Variants in EML2 observed in about 807,000 individuals in gnomAD.
The protein encoded by EML2 is echinoderm microtubule-associated protein-like 2.
In EML2, 59 loss-of-function variants were observed where a neutral mutation model predicts 84.7. The observed-to-expected ratio is 0.70, with a 90% CI of 0.56 to 0.86. The LOEUF (loss-of-function observed/expected upper bound fraction) is 0.86, where lower values mean the gene tolerates loss of function less well. Ranked by LOEUF, EML2 falls within the 40% of genes least tolerant of loss-of-function variation. The pLI, the probability that EML2 is intolerant of heterozygous loss-of-function variation, is 0.00. For missense variants in EML2, 818 were observed against 855.6 expected (o/e 0.96, Z 0.55); for synonymous variants, 352 against 348.9 (o/e 1.01, Z -0.10).
Position 45,619,137 on chromosome 19 carries a change from C to G in EML2, c.1177G>C (p.Val393Leu). ...LATHPSRAQF[V>L]TCGQDKLVHL... ...ACCAGCTTATCCTGCCCGCAGGTCA[C>G]AAACTGGGCCCGACTGGGGTGTGTG... is the stretch of plus-strand genomic sequence containing the variant. Residue 393 changes from valine to leucine, a missense_variant, in exon 12 of 19, where the codon GTG (valine) becomes CTG (leucine). Coordinates refer to ENST00000245925, the MANE Select transcript of EML2 (RefSeq NM_012155.4). 1 of 1,612,634 alleles carries G rather than the reference C, an allele frequency of 6.2e-7. No individual in the cohort carries two copies. Among genetic ancestry groups the G allele is most frequent in the Non-Finnish European group, 8.5e-7 (1 of 1,179,774 alleles).
intron 11 of EML2, 50 bp downstream of exon 11, chr19:45,621,157 C>T (rs766994138): frequency 5.0e-6 from 8 of 1,596,936 alleles, no homozygotes; most frequent in Non-Finnish European, 6.0e-6. Context: ...GCAGGGAAGG[C>T]CAGGGAAAGA....
chr19:45,615,965 A>C, intron 15 of EML2, 76 bp from the exon 16 acceptor site: 1 of 1,117,832 alleles, frequency 8.9e-7, no homozygotes, highest in Non-Finnish European at 1.3e-6. Flanking sequence ...TTAAATCAGG[A>C]AAGTGGAAGT....
chr19:45,616,850 C>A lies in EML2; in HGVS notation c.1326G>T (p.Trp442Cys). ...CATGGGTCTCCGTGTCCAGCAGCAGCCATCTTGAAGGAGAGGGCGTGGTGG... is the reference window on the plus strand; with the variant it reads ...CATGGGTCTCCGTGTCCAGCAGCAGACATCTTGAAGGAGAGGGCGTGGTGG... Reference protein sequence around the residue: ...VLAVGTVTGRWLLLDTETHDL... With the variant: ...VLAVGTVTGRCLLLDTETHDL... Residue 442 changes from tryptophan (W) to cysteine (C), a missense_variant, in exon 14 of 19, where the codon TGG (tryptophan) becomes TGT (cysteine). Physicochemically the swap from Trp to Cys is radical, Grantham distance 215. Coordinates refer to ENST00000245925, the MANE Select transcript of EML2 (RefSeq NM_012155.4). 6.2e-7 allele frequency: 1 copy of A among 1,612,468 alleles called. No individual in the cohort carries two copies. Among genetic ancestry groups the A allele is most frequent in the South Asian group, 1.1e-5 (1 of 91,014 alleles).
intron 7 of EML2, 137 bp from the exon 8 acceptor site, chr19:45,626,976 T>C (rs75367068): frequency 2.6e-5 from 21 of 821,714 alleles, no homozygotes; most frequent in Non-Finnish European, 3.5e-5. Context: ...TTTTTTTTTT[T>C]CAGGGCAGAG....
chr19:45,616,401 G>A (rs1971074403), intron 15 of EML2, 60 bp downstream of exon 15: 1 of 1,338,816 alleles, frequency 7.5e-7, no homozygotes, highest in African/African-American at 1.5e-5. Flanking sequence ...TAGAAAATTG[G>A]TTAATTTTGC....
Position 45,616,492 on chromosome 19 carries a change from C to T in EML2, c.1478G>A (p.Gly493Asp). Residue 493 changes from glycine to aspartate, a missense_variant, in exon 15 of 19, where the codon GGC (glycine) becomes GAC (aspartate). Physicochemically the swap from Gly to Asp is moderately conservative, Grantham distance 94 (BLOSUM62 -1). Transcript: ENST00000245925. ...LVYVYTVDQGGRKVSRLGKCS... is the reference protein window; with the variant it reads ...LVYVYTVDQGDRKVSRLGKCS... ...CTTGCCCAGGCGGCTGACCTTGCGG[C>T]CGCCCTGGTCCACCGTGTACACGTA... The T allele has an allele frequency of 6.3e-7, 1 of 1,595,198 alleles. No homozygotes were observed. Among genetic ancestry groups the T allele is most frequent in the Non-Finnish European group, 8.6e-7 (1 of 1,165,304 alleles).
At chr19:45,639,331 G>C (rs375707418) in intron 1 of EML2, 26 bp downstream of exon 1, 21 of 1,343,956 alleles carry the variant, frequency 1.6e-5, no homozygotes, top group East Asian at 9.1e-5. Flanking sequence ...AGAGGAGATG[G>C]GGGGTGGTCT....
chr19:45,634,963 G>T (rs754855416), intron 3 of EML2, among the ~76,000 whole-genome samples: 1 of 152,024 alleles, frequency 6.6e-6, no homozygotes, highest in Non-Finnish European at 1.5e-5. Flanking sequence ...CGATTCCCCT[G>T]CCTCAGCCTC....
intron 11 of EML2, among the ~76,000 whole-genome samples, chr19:45,619,859 T>G (rs1971494040): frequency 1.3e-5 from 2 of 151,960 alleles, no homozygotes; most frequent in Admixed American, 1.3e-4. Context: ...GAGACCAGCC[T>G]GGGCAACATG....
At chr19:45,622,441 T>A (rs1018140947) in intron 9 of EML2, among the ~76,000 whole-genome samples, 15 of 152,116 alleles carry the variant, frequency 9.9e-5, no homozygotes, top group African/African-American at 3.6e-4. Flanking sequence ...TTGTTTTATT[T>A]TGTTTTTGAG....
At chr19:45,616,289 G>C in intron 15 of EML2, 172 bp downstream of exon 15, 1 of 590,084 alleles carries the variant, frequency 1.7e-6, no homozygotes. Flanking sequence ...ACAAAGGGGC[G>C]GGCTTAGAAC....
At chr19:45,639,034 G>C in intron 1 of EML2, 161 bp from the exon 2 acceptor site, 2 of 900,062 alleles carry the variant, frequency 2.2e-6, no homozygotes, top group South Asian at 2.6e-5. Context: ...TGCTTTGCTC[G>C]GTTGATCTTG....
At chr19:45,632,719 G>A (rs1600185699) in intron 6 of EML2, 142 bp downstream of exon 6, 1 of 698,262 alleles carries the variant, frequency 1.4e-6, no homozygotes. Context: ...GTGAGGACAC[G>A]CCCTCATTGT....
upstream of EML2, chr19:45,645,046 C>CCGT (rs1974924459): frequency 8.3e-6 from 5 of 602,128 alleles, no homozygotes; most frequent in African/African-American, 1.9e-5. Flanking sequence ...TCTCTCCTCT[C>CCGT]CGTCTAGCCA....
At chr19:45,643,791 G>A (rs1974815063), upstream of EML2, 2 of 1,467,620 alleles carry the variant, frequency 1.4e-6, no homozygotes, top group African/African-American at 1.4e-5. Context: ...TGCCCGCCCT[G>A]CCCCCCACTC....
At chr19:45,635,388 C>T (rs1289862952) in intron 3 of EML2, among the ~76,000 whole-genome samples, 5 of 152,146 alleles carry the variant, frequency 3.3e-5, no homozygotes, top group Admixed American at 1.3e-4. Flanking sequence ...ATCCACCCAC[C>T]TTGGTCTCCC....
intron 18 of EML2, among the ~76,000 whole-genome samples, chr19:45,610,426 C>T (rs1338961756): frequency 2.0e-5 from 3 of 151,872 alleles, no homozygotes; most frequent in African/African-American, 7.2e-5. Context: ...AACAGCTGGG[C>T]ATGGTGGCTC....
At position 45,614,547 on chromosome 19, in the gene EML2, C is replaced by T. The variant is rs541955404; in HGVS notation, c.1693+58G>A. The T allele has an allele frequency of 2.7e-5, 39 of 1,461,966 alleles. No individual in the cohort carries two copies. In the African/African-American group the frequency reaches 2.8e-4, roughly 10 times the overall value. 90.6% of individuals were successfully genotyped at this position (1,461,966 alleles called of 1,614,324 possible). ...GCAGTAAGACTCTGGAAACCACCAGCGGGGATGTCTCTCAGAACTACTGTC... is the reference window on the plus strand; with the variant it reads ...GCAGTAAGACTCTGGAAACCACCAGTGGGGATGTCTCTCAGAACTACTGTC... On this transcript the variant is annotated intron_variant, in intron 17 of 18. Transcript: ENST00000245925.
At chr19:45,622,710 T>A (rs1391593101) in intron 9 of EML2, among the ~76,000 whole-genome samples, 1 of 152,092 alleles carries the variant, frequency 6.6e-6, no homozygotes, top group East Asian at 1.9e-4. Flanking sequence ...AGATTACAGG[T>A]GTGAGCCATG....
Sources: gnomAD v4.1 joint callset for allele counts (sites outside exome capture counted in the v4.1 genomes callset) on GRCh38, gnomAD v4.1.1 for gene constraint, MANE v1.5 for transcripts, NCBI Gene and HGNC (gene_info 2026-07-23, HGNC 2026-07-21) for gene names.